TENM3: variants seen among roughly 807,000 people sequenced by gnomAD.
TENM3 encodes the protein teneurin-3.
A neutral mutation model predicts 255.1 loss-of-function variants in TENM3; 63 were observed. The ratio of observed to expected loss-of-function variants is 0.25; its 90% confidence interval spans 0.20 to 0.30. The LOEUF is 0.30. Among genes scored for constraint, TENM3 ranks in the 10% least tolerant of loss-of-function variants. The pLI, the probability that TENM3 is intolerant of heterozygous loss-of-function variation, is 1.00. For synonymous variants in TENM3, 1,306 were observed against 1,322.3 expected, an observed-to-expected ratio of 0.99 and a Z score of 0.27; for missense variants, 2,929 against 3,461.1, an observed-to-expected ratio of 0.85 and a Z score of 3.86.
At chr4:182,476,190 G>T (rs1217213682) in intron 3 of TENM3, among the ~76,000 whole-genome samples, 1 of 152,150 alleles carries the variant, frequency 6.6e-6, no homozygotes, top group African/African-American at 2.4e-5. Flanking sequence ...TTTAGTGGCT[G>T]TTTAAAATGA....
the TENM3 span, among the ~76,000 whole-genome samples, chr4:181,782,722 A>G: frequency 6.6e-6 from 1 of 152,054 alleles, no homozygotes; most frequent in Admixed American, 6.6e-5. Flanking sequence ...TAGGGTGTCA[A>G]TTTTAGATCT....
chr4:181,474,436 A>T, the TENM3 span, among the ~76,000 whole-genome samples: 1 of 152,094 alleles, frequency 6.6e-6, no homozygotes. Flanking sequence ...TAGACTCCAG[A>T]TATGTAAAGA....
chr4:181,641,554 GTATATATATATATA>G, the TENM3 span, among the ~76,000 whole-genome samples: 9 of 26,912 alleles, frequency 3.3e-4, no homozygotes, highest in South Asian at 1.0e-3. Context: ...TGGTGTGTGT[GTATATATATATATA>G]TATATATATA....
chr4:182,573,031 A>G (rs1158084708), intron 3 of TENM3, among the ~76,000 whole-genome samples: 3 of 152,220 alleles, frequency 2.0e-5, no homozygotes, highest in Non-Finnish European at 4.4e-5. Flanking sequence ...TTGATCATCT[A>G]CCATCAATAC....
chr4:182,296,688 T>C (rs1251013702), intron 1 of TENM3, among the ~76,000 whole-genome samples: 1 of 152,232 alleles, frequency 6.6e-6, no homozygotes, highest in Non-Finnish European at 1.5e-5. Flanking sequence ...ATCTTTAGAT[T>C]GCTGCCTTTG....
the TENM3 span, among the ~76,000 whole-genome samples, chr4:181,578,925 G>C: frequency 6.6e-6 from 1 of 152,124 alleles, no homozygotes; most frequent in Admixed American, 6.5e-5. Context: ...TTTTTGGTAG[G>C]TGGGGAAGGG....
At chr4:181,849,949 T>TCTCACACACACACACACACA in the TENM3 span, among the ~76,000 whole-genome samples, 59 of 65,950 alleles carry the variant, frequency 8.9e-4, no homozygotes, top group East Asian at 7.3e-3. Flanking sequence ...TCTCTCTCTC[T>TCTCACACACACACACACACA]CACACACACA....
At chr4:182,432,446 CCAA>C (rs900154208) in intron 3 of TENM3, among the ~76,000 whole-genome samples, 3 of 152,154 alleles carry the variant, frequency 2.0e-5, no homozygotes, top group African/African-American at 7.2e-5. Context: ...CGTTATTCCA[CCAA>C]CATTAAACCA....
intron 1 of TENM3, among the ~76,000 whole-genome samples, chr4:182,197,423 G>GT (rs991300416): frequency 5.9e-5 from 9 of 151,976 alleles, no homozygotes; most frequent in Admixed American, 2.0e-4. Flanking sequence ...AAGTTCAGGG[G>GT]TTTTTTTTCC....
chr4:181,531,462 C>G, the TENM3 span, among the ~76,000 whole-genome samples: 4 of 152,140 alleles, frequency 2.6e-5, no homozygotes, highest in African/African-American at 9.7e-5. Context: ...CATGTTCTTT[C>G]TACCCTCTGG....
the TENM3 span, among the ~76,000 whole-genome samples, chr4:181,534,318 G>A: frequency 1.3e-5 from 2 of 151,922 alleles, no homozygotes; most frequent in African/African-American, 4.8e-5. Context: ...ACATAAACAA[G>A]GAGAGTTTGA....
the TENM3 span, among the ~76,000 whole-genome samples, chr4:181,888,186 C>T: frequency 7.9e-5 from 12 of 151,948 alleles, no homozygotes; most frequent in East Asian, 5.9e-4. Flanking sequence ...CCCGCCACCA[C>T]GCCAGGCTAA....
chr4:181,467,949 C>T, the TENM3 span, among the ~76,000 whole-genome samples: 1 of 151,994 alleles, frequency 6.6e-6, no homozygotes, highest in Non-Finnish European at 1.5e-5. Flanking sequence ...CAACCAAAAA[C>T]ACTACTTGGG....
the TENM3 span, among the ~76,000 whole-genome samples, chr4:181,513,320 C>T: frequency 6.6e-6 from 1 of 152,058 alleles, no homozygotes; most frequent in East Asian, 1.9e-4. Context: ...ATCTTACAGG[C>T]TTTTAAAAAT....
At chr4:182,073,033 A>G in the TENM3 span, among the ~76,000 whole-genome samples, 1 of 152,202 alleles carries the variant, frequency 6.6e-6, no homozygotes, top group South Asian at 2.1e-4. Context: ...ATCTGTTCTC[A>G]CACTGCTATA....
chr4:181,502,920 G>A, the TENM3 span, among the ~76,000 whole-genome samples: 6 of 152,098 alleles, frequency 3.9e-5, no homozygotes, highest in African/African-American at 1.2e-4. Flanking sequence ...TTTGGCATTC[G>A]TCATAATTTT....
intron 1 of TENM3, among the ~76,000 whole-genome samples, chr4:182,265,967 C>T (rs1759217488): frequency 6.6e-6 from 1 of 152,212 alleles, no homozygotes; most frequent in Admixed American, 6.5e-5. Flanking sequence ...TAAACTGCCT[C>T]TTTAACTTTT....
chr4:182,288,451 G>GT (rs1452573014), intron 1 of TENM3, among the ~76,000 whole-genome samples: 1 of 152,096 alleles, frequency 6.6e-6, no homozygotes, highest in Non-Finnish European at 1.5e-5. Flanking sequence ...TAGTTTTCAC[G>GT]TAAGTTCCTC....
the TENM3 span, among the ~76,000 whole-genome samples, chr4:181,901,673 C>T: frequency 1.1e-4 from 16 of 152,310 alleles, no homozygotes; most frequent in African/African-American, 3.6e-4. Flanking sequence ...TCAGCACACA[C>T]ATTTCCACTT....
Sources: gnomAD v4.1 joint callset for allele counts (sites outside exome capture counted in the v4.1 genomes callset) on GRCh38, gnomAD v4.1.1 for gene constraint, MANE v1.5 for transcripts, NCBI Gene and HGNC (gene_info 2026-07-23, HGNC 2026-07-21) for gene names.